Variants in IRAG1 observed in about 807,000 individuals in gnomAD.
IRAG1 encodes inositol 1,4,5-triphosphate receptor associated 1.
Under a neutral mutation model 106.2 loss-of-function variants are expected in IRAG1, and 62 were observed. The ratio of observed to expected loss-of-function variants is 0.58; its 90% confidence interval spans 0.48 to 0.72. IRAG1 has a LOEUF of 0.72. IRAG1 is among the 30% of genes least tolerant of loss of function. IRAG1 has a pLI of 0.00. For missense variants in IRAG1, 1,064 were observed against 1,140.7 expected, an observed-to-expected ratio of 0.93 and a Z score of 0.97; for synonymous variants, 462 against 443.9, an observed-to-expected ratio of 1.04 and a Z score of -0.51.
intron 4 of IRAG1, among the ~76,000 whole-genome samples, chr11:10,630,425 G>A (rs1433375590): frequency 6.6e-6 from 1 of 151,086 alleles, no homozygotes; most frequent in Non-Finnish European, 1.5e-5. Flanking sequence ...AGGCTGGAGT[G>A]CAGTGGCACA....
chr11:10,614,551 G>C (rs1283045102), intron 10 of IRAG1, among the ~76,000 whole-genome samples: 1 of 152,136 alleles, frequency 6.6e-6, no homozygotes, highest in Non-Finnish European at 1.5e-5. Flanking sequence ...ATACTACAAG[G>C]CTACAGTAAC....
chr11:10,597,141 A>C (rs1396759632), intron 15 of IRAG1, among the ~76,000 whole-genome samples: 3 of 152,218 alleles, frequency 2.0e-5, no homozygotes, highest in African/African-American at 7.2e-5. Flanking sequence ...GGGGATGGGT[A>C]AATGTGCCCA....
intron 17 of IRAG1, among the ~76,000 whole-genome samples, chr11:10,592,309 G>A (rs1852771486): frequency 6.6e-6 from 1 of 152,120 alleles, no homozygotes; most frequent in South Asian, 2.1e-4. Context: ...CTAGTCTAAA[G>A]GAATATATAT....
intron 2 of IRAG1, among the ~76,000 whole-genome samples, chr11:10,648,193 A>G (rs544090024): frequency 4.6e-5 from 7 of 152,256 alleles, no homozygotes; most frequent in East Asian, 3.9e-4. Context: ...GCGAAACCCC[A>G]TATCTACTAA....
At chr11:10,618,216 A>C (rs1855575527) in intron 10 of IRAG1, among the ~76,000 whole-genome samples, 3 of 152,020 alleles carry the variant, frequency 2.0e-5, no homozygotes, top group African/African-American at 7.3e-5. Context: ...GCTTGGGATG[A>C]CTTTCTCTTC....
chr11:10,653,994 T>C (rs1458934027), intron 1 of IRAG1, among the ~76,000 whole-genome samples: 1 of 152,166 alleles, frequency 6.6e-6, no homozygotes, highest in African/African-American at 2.4e-5. Context: ...CTTTGGCTGA[T>C]GGGACATGGT....
At chr11:10,688,771 T>C (rs1589986570) in intron 1 of IRAG1, among the ~76,000 whole-genome samples, 1 of 152,218 alleles carries the variant, frequency 6.6e-6, no homozygotes, top group East Asian at 1.9e-4. Flanking sequence ...GCTCACAATT[T>C]TTCCCATGCC....
chr11:10,675,608 G>A (rs1043754047), intron 1 of IRAG1, among the ~76,000 whole-genome samples: 1 of 152,126 alleles, frequency 6.6e-6, no homozygotes. Context: ...ACAGTGGCTT[G>A]TCTTTCTCTG....
At chr11:10,605,397 G>A (rs549206827) in intron 12 of IRAG1, among the ~76,000 whole-genome samples, 4 of 152,290 alleles carry the variant, frequency 2.6e-5, no homozygotes, top group African/African-American at 9.6e-5. Context: ...AAGAATTGAA[G>A]GTACAGAATT....
chr11:10,634,029 T>A lies in IRAG1; in HGVS notation c.268A>T (p.Ile90Phe). The A allele has an allele frequency of 6.2e-7, 1 of 1,612,456 alleles. No individual in the cohort carries two copies. Among genetic ancestry groups the A allele is most frequent in the South Asian group, 1.1e-5 (1 of 90,762 alleles). The change falls in exon 3 of 21, where the codon ATT becomes TTT. Residue 90 changes from isoleucine to phenylalanine, a missense_variant. Ile to Phe is a conservative substitution (Grantham distance 21). Coordinates refer to ENST00000423302, the MANE Select transcript of IRAG1 (RefSeq NM_130385.4). ...AGVSCSPTPT[I>F]VLTGDATSPE... ...GAAGTGGCATCCCCAGTCAGGACAA[T>A]CGTGGGAGTTGGACTGCAAGATACT...
At chr11:10,655,690 G>C (rs1858865473) in intron 1 of IRAG1, among the ~76,000 whole-genome samples, 1 of 152,142 alleles carries the variant, frequency 6.6e-6, no homozygotes, top group Non-Finnish European at 1.5e-5. Context: ...TGAAAGACCT[G>C]ACGATTCCAT....
intron 2 of IRAG1, among the ~76,000 whole-genome samples, chr11:10,648,399 A>C (rs949034916): frequency 6.6e-6 from 1 of 152,210 alleles, no homozygotes; most frequent in Non-Finnish European, 1.5e-5. Context: ...GATTCCTAAG[A>C]CCTACCTCAA....
intron 4 of IRAG1, 126 bp from the exon 5 acceptor site, chr11:10,629,837 C>G: frequency 2.1e-6 from 2 of 972,802 alleles, no homozygotes; most frequent in Non-Finnish European, 3.0e-6. Flanking sequence ...AACCTCAGCC[C>G]AGTGCCATCA....
At chr11:10,643,297 TGG>T (rs1377715884) in intron 2 of IRAG1, among the ~76,000 whole-genome samples, 1 of 151,550 alleles carries the variant, frequency 6.6e-6, no homozygotes, top group Non-Finnish European at 1.5e-5. Flanking sequence ...CTGCTGGACA[TGG>T]GGCTCCTCCC....
chr11:10,635,066 G>T (rs1353244296), intron 2 of IRAG1, among the ~76,000 whole-genome samples: 1 of 152,182 alleles, frequency 6.6e-6, no homozygotes, highest in Non-Finnish European at 1.5e-5. Flanking sequence ...ATGGTACAGA[G>T]TCCTCAGATT....
chr11:10,654,109 C>T (rs148724279), intron 1 of IRAG1, among the ~76,000 whole-genome samples: 1 of 152,210 alleles, frequency 6.6e-6, no homozygotes, highest in African/African-American at 2.4e-5. Flanking sequence ...GAGGAAGAAC[C>T]GGAAAGCCCT....
At chr11:10,666,895 G>A (rs1379161313) in intron 1 of IRAG1, among the ~76,000 whole-genome samples, 1 of 152,094 alleles carries the variant, frequency 6.6e-6, no homozygotes, top group Non-Finnish European at 1.5e-5. Context: ...GTTTTGGCAG[G>A]GTTTTCTTGG....
At chr11:10,622,397 C>A (rs74719492) in intron 10 of IRAG1, among the ~76,000 whole-genome samples, 11,336 of 152,226 alleles carry the variant, frequency 0.074, 1,099 homozygotes, top group African/African-American at 0.22. Context: ...AAACACTCAT[C>A]TCTCTCCACT....
rs745325172 is a variant in IRAG1, at chr11:10,626,475, T to C, written c.859A>G (p.Ile287Val). The C allele has an allele frequency of 1.4e-5, 22 of 1,613,658 alleles. No individual in the cohort carries two copies. Among genetic ancestry groups the C allele is most frequent in the African/African-American group, 8.0e-5 (6 of 74,920 alleles). ...PPVEKSKEIA[I>V]EQKENFDPLQ... ...GGATCGAAGTTTTCCTTTTGTTCTA[T>C]TGCAATCTCTTTGGACTTCTCAACT... The change falls in exon 9 of 21, where the codon ATA becomes GTA. Residue 287 changes from isoleucine to valine, a missense_variant. Coordinates refer to ENST00000423302, the MANE Select transcript of IRAG1 (RefSeq NM_130385.4).
Sources: gnomAD v4.1 joint callset for allele counts (sites outside exome capture counted in the v4.1 genomes callset) on GRCh38, gnomAD v4.1.1 for gene constraint, MANE v1.5 for transcripts, NCBI Gene and HGNC (gene_info 2026-07-23, HGNC 2026-07-21) for gene names.